BCL2L15: variants seen among roughly 807,000 people sequenced by gnomAD.
BCL2L15 encodes BCL2 like 15.
BCL2L15 carries 15 observed loss-of-function variants against 18.3 expected under a neutral mutation model. The observed-to-expected ratio is 0.82, with a 90% confidence interval of 0.55 to 1.26. BCL2L15 has a LOEUF of 1.26. Ranked by LOEUF, BCL2L15 falls within the 50% of genes most tolerant of loss-of-function variation. The probability of loss-of-function intolerance (pLI) is 0.00; values close to 1 mark genes in which losing one functional copy is unlikely to be tolerated. For synonymous variants in BCL2L15, 58 were observed against 68.5 expected, an observed-to-expected ratio of 0.85 and a Z score of 0.76; for missense variants, 180 against 201.7, an observed-to-expected ratio of 0.89 and a Z score of 0.65.
rs775937645 is a variant in BCL2L15 at position 113,881,857 on chromosome 1, T to C, written c.390A>G (p.Val130=). The C allele has an allele frequency of 1.9e-6, 3 of 1,614,112 alleles. No homozygotes were observed. Among genetic ancestry groups the C allele is most frequent in the Non-Finnish European group, 2.5e-6 (3 of 1,180,040 alleles). ...LEYMAHIAPE[V]VGQVAIPMTG... ...TCATGGGGATAGCCACCTGTCCCAC[T>C]ACTTCAGGAGCAATGTGAGCCATGT... The change falls in exon 3 of 4, where the codon GTA becomes GTG. Residue 130 remains valine, a synonymous_variant. Transcript: ENST00000393316.
chr1:113,886,778 A>G, intron 1 of BCL2L15, 120 bp from the exon 2 acceptor site: 4 of 952,904 alleles, frequency 4.2e-6, no homozygotes, highest in African/African-American at 1.6e-5. Flanking sequence ...ATCTCCCAAG[A>G]GCTTAAATGT....
In BCL2L15 at chr1:113,886,593, T is replaced by C; in HGVS notation, c.193A>G (p.Asn65Asp). 1 of 1,614,018 alleles carries C rather than the reference T, an allele frequency of 6.2e-7. No individual in the cohort carries two copies. The highest frequency in any genetic ancestry group is 1.1e-5 in the South Asian group (1 of 91,070). Reference sequence around the variant, plus strand: ...TTGGCAGAAGCTTCCAATTCTCCGTTGAACTGGTCACCCAACATCCGAAGG... The same window carrying C: ...TTGGCAGAAGCTTCCAATTCTCCGTCGAACTGGTCACCCAACATCCGAAGG... ...GRLRMLGDQFNGELEASAKNV... is the reference protein window; with the variant it reads ...GRLRMLGDQFDGELEASAKNV... The change falls in exon 2 of 4, where the codon AAC becomes GAC. Residue 65 changes from asparagine to aspartate, a missense_variant. Physicochemically the swap from Asn to Asp is conservative, Grantham distance 23. Transcript: ENST00000393316.
In BCL2L15 at chr1:113,878,242, C is replaced by T. The variant is rs1447414406; in HGVS notation, c.*2881G>A. On this transcript the variant is annotated 3_prime_UTR_variant, in exon 4 of 4. Coordinates refer to ENST00000393316, the MANE Select transcript of BCL2L15 (RefSeq NM_001010922.3). ...AAGTTACCAAATCATCTCTATTTTA[C>T]AAATGTAGAAACTAAGGTACAGAAG... 6.6e-6 allele frequency: 1 copy of T among 152,200 alleles called. No homozygotes were observed. Among genetic ancestry groups the T allele is most frequent in the Non-Finnish European group, 1.5e-5 (1 of 68,032 alleles). The allele number at this position is 152,200 out of a possible 1,614,324, so 9.4% of individuals were successfully genotyped here. A position where few individuals can be genotyped will look rare whatever the true frequency, so the allele number is the denominator to read the frequency against.
chr1:113,880,832 G>A lies in BCL2L15; in HGVS notation c.*291C>T. On this transcript the variant is annotated 3_prime_UTR_variant, in exon 4 of 4. Coordinates refer to ENST00000393316, the MANE Select transcript of BCL2L15 (RefSeq NM_001010922.3). ...TAACAAGTCATTACTTTGTGTCTAG[G>A]GGTCTTTGCTTCAACAGAACCTCAT... 2.2e-6 allele frequency: 1 copy of A among 463,856 alleles called. No homozygotes were observed. Among genetic ancestry groups the A allele is most frequent in the Non-Finnish European group, 3.9e-6 (1 of 256,454 alleles). 28.7% of individuals were successfully genotyped at this position (463,856 alleles called of 1,614,324 possible).
Position 113,884,148 on chromosome 1 carries a change from A to G in BCL2L15, c.250-2151T>C, listed in dbSNP as rs183036493. 7.9e-5 allele frequency among the ~76,000 whole-genome samples: 12 copies of G among 152,380 alleles called. No individual in the cohort carries two copies. The East Asian group carries it at 1.5e-3, about 20-fold the overall frequency. On this transcript the variant is annotated intron_variant, in intron 2 of 3. Coordinates refer to ENST00000393316, the MANE Select transcript of BCL2L15 (RefSeq NM_001010922.3). ...GGGGAAAAGAGTAACTTTATAGAGGAGAAGCTTTACAGACACCATCTTAAG... is the reference window on the plus strand; with the variant it reads ...GGGGAAAAGAGTAACTTTATAGAGGGGAAGCTTTACAGACACCATCTTAAG...
intron 2 of BCL2L15, among the ~76,000 whole-genome samples, 172 bp from the exon 3 acceptor site, chr1:113,882,169 G>T (rs1666896970): frequency 2.0e-5 from 3 of 152,166 alleles, no homozygotes; most frequent in Admixed American, 2.0e-4. Flanking sequence ...TTAATATTTT[G>T]TTATCTTAAT....
Position 113,885,833 on chromosome 1 carries a change from G to A in BCL2L15, c.249+704C>T, listed in dbSNP as rs762475149. 5.6e-4 allele frequency among the ~76,000 whole-genome samples: 85 copies of A among 151,866 alleles called. 1 individual carries two copies. The highest frequency in any genetic ancestry group is 8.3e-4 in the South Asian group (4 of 4,798). On this transcript the variant is annotated intron_variant, in intron 2 of 3. Transcript: ENST00000393316. ...TGAGGCAGGAGAATTGCTTGAACCC[G>A]GTGGGTGGAGGTTGCAGTGAGCCGA...
At chr1:113,883,675 T>G (rs1357307225) in intron 2 of BCL2L15, among the ~76,000 whole-genome samples, 1 of 151,130 alleles carries the variant, frequency 6.6e-6, no homozygotes, top group South Asian at 2.1e-4. Context: ...TCCCAGCTAC[T>G]CAGGAGGCTG....
intron 1 of BCL2L15, 25 bp downstream of exon 1, chr1:113,887,224 T>A (rs774173187): frequency 2.5e-6 from 4 of 1,610,604 alleles, no homozygotes; most frequent in Non-Finnish European, 2.5e-6. Flanking sequence ...TGACCTGCAA[T>A]CACCGCCTAG....
Position 113,881,036 on chromosome 1 carries a change from T to C in BCL2L15, c.*87A>G, listed in dbSNP as rs754443752. On this transcript the variant is annotated 3_prime_UTR_variant, in exon 4 of 4. Coordinates refer to ENST00000393316, the MANE Select transcript of BCL2L15 (RefSeq NM_001010922.3). ...CTGATAAAATGAAAAAAGTGCTTTT[T>C]TATTTGTTTGTTTGAATTCCCAGGA... The C allele has an allele frequency of 1.5e-5, 24 of 1,597,270 alleles. No homozygotes were observed. Among genetic ancestry groups the C allele is most frequent in the Non-Finnish European group, 2.0e-5 (23 of 1,166,812 alleles).
rs967326396 is a variant in BCL2L15, at chr1:113,878,704, T to C, written c.*2419A>G. 9.8e-5 allele frequency: 15 copies of C among 152,352 alleles called. No individual in the cohort carries two copies. Among genetic ancestry groups the C allele is most frequent in the African/African-American group, 3.6e-4 (15 of 41,456 alleles). The allele number at this position is 152,352 out of a possible 1,614,324, so 9.4% of individuals were successfully genotyped here. ...CACAAAACTCATCATCTTGAGTTTA[T>C]AGTAACATAAGGGACAAAGGAGTAC... On this transcript the variant is annotated 3_prime_UTR_variant, in exon 4 of 4. Transcript: ENST00000393316.
Position 113,886,547 on chromosome 1 carries a change from A to G in BCL2L15, c.239T>C (p.Ile80Thr). ...ASAKNVIAETIKGQTGAILQD... is the reference protein window; with the variant it reads ...ASAKNVIAETTKGQTGAILQD... ...AAGTAGAAACTTGACCTGTCCCTTA[A>G]TGGTTTCTGCAATGACGTTTTTGGC... Residue 80 changes from isoleucine to threonine, a missense_variant, in exon 2 of 4, where the codon ATT becomes ACT. Coordinates refer to ENST00000393316, the MANE Select transcript of BCL2L15 (RefSeq NM_001010922.3). The G allele has an allele frequency of 6.2e-7, 1 of 1,612,156 alleles. No homozygotes were observed. Among genetic ancestry groups the G allele is most frequent in the African/African-American group, 1.3e-5 (1 of 74,896 alleles).
intron 3 of BCL2L15, 96 bp from the exon 4 acceptor site, chr1:113,881,236 T>C (rs1406306312): frequency 9.0e-6 from 14 of 1,558,918 alleles, no homozygotes; most frequent in Middle Eastern, 1.7e-4. Context: ...CCAGGAAATG[T>C]AGCTCTTATT....
intron 2 of BCL2L15, among the ~76,000 whole-genome samples, chr1:113,883,855 TTC>T (rs1018355696): frequency 2.0e-5 from 3 of 152,134 alleles, no homozygotes; most frequent in African/African-American, 4.8e-5. Flanking sequence ...GTATAAGATA[TTC>T]TGTCAGAAAT....
rs1667075424 is a variant in BCL2L15, at chr1:113,887,494, G to A, written c.-119C>T. 7.2e-7 allele frequency: 1 copy of A among 1,396,776 alleles called. No individual in the cohort carries two copies. The highest frequency in any genetic ancestry group is 1.4e-5 in the African/African-American group (1 of 69,916). The allele number at this position is 1,396,776 out of a possible 1,614,324, so 86.5% of individuals were successfully genotyped here. A position where few individuals can be genotyped will look rare whatever the true frequency, so the allele number is the denominator to read the frequency against. ...TCTACCTCTTGTAGTTTCCTGACAT[G>A]TAATCCTGGAACTTTTCCCACTAGC... On this transcript the variant is annotated 5_prime_UTR_variant, in exon 1 of 4. Transcript: ENST00000393316.
rs145296726 is a variant in BCL2L15 at position 113,885,081 on chromosome 1, G to A, written c.249+1456C>T. Among the ~76,000 whole-genome samples, 475 of 151,546 alleles carry A rather than the reference G, an allele frequency of 3.1e-3. 3 individuals carry two copies. The highest frequency in any genetic ancestry group is 0.011 in the African/African-American group (460 of 41,302). ...AGCAATTCTCCTACCTCAGCCTCCC[G>A]AGTAGCTGGGATTACAGGTGTGTGC... On this transcript the variant is annotated intron_variant, in intron 2 of 3. Coordinates refer to ENST00000393316, the MANE Select transcript of BCL2L15 (RefSeq NM_001010922.3).
At chr1:113,883,397 A>C (rs1437019514) in intron 2 of BCL2L15, among the ~76,000 whole-genome samples, 1 of 150,824 alleles carries the variant, frequency 6.6e-6, no homozygotes, top group Non-Finnish European at 1.5e-5. Context: ...CAGGAGAATC[A>C]GGTGAACCGG....
At chr1:113,881,672 T>C (rs1666881658) in intron 3 of BCL2L15, 101 bp downstream of exon 3, 1 of 1,453,798 alleles carries the variant, frequency 6.9e-7, no homozygotes, top group Non-Finnish European at 9.1e-7. Flanking sequence ...TGTTTTCCTG[T>C]TGGTTTCCAA....
In BCL2L15 at chr1:113,879,279, G is replaced by A. The variant is rs1666802432; in HGVS notation, c.*1844C>T. The A allele has an allele frequency of 6.6e-6, 1 of 152,376 alleles. No individual in the cohort carries two copies. Among genetic ancestry groups the A allele is most frequent in the Non-Finnish European group, 1.5e-5 (1 of 68,040 alleles). 9.4% of individuals were successfully genotyped at this position (152,376 alleles called of 1,614,324 possible). On this transcript the variant is annotated 3_prime_UTR_variant, in exon 4 of 4. Transcript: ENST00000393316. ...TTAGCTTTGTTAAACTTTAGCCAAA[G>A]TTATTAATGCTGCTTTTCATGAATC...
Sources: allele counts gnomAD v4.1 joint callset (sites outside exome capture counted in the v4.1 genomes callset), GRCh38; gene constraint gnomAD v4.1.1; transcripts MANE v1.5; gene names NCBI Gene and HGNC (gene_info 2026-07-23, HGNC 2026-07-21).